PLCZ1: variants seen among roughly 807,000 people sequenced by gnomAD.
PLCZ1 encodes the protein phospholipase C zeta 1.
A neutral mutation model predicts 76.8 loss-of-function variants in PLCZ1; 64 were observed. The ratio of observed to expected loss-of-function variants is 0.83; its 90% CI spans 0.68 to 1.03. PLCZ1 has a LOEUF of 1.03. PLCZ1 is among the 50% of genes least tolerant of loss of function. PLCZ1 has a pLI of 0.00. For synonymous variants in PLCZ1, 248 were observed against 230.8 expected, an observed-to-expected ratio of 1.07 and a Z score of -0.68; for missense variants, 751 against 713.7, an observed-to-expected ratio of 1.05 and a Z score of -0.60.
rs774660155 is a variant in PLCZ1, at chr12:18,712,986, A to T, written c.570T>A (p.Ser190Arg). The T allele has an allele frequency of 1.2e-6, 2 of 1,613,934 alleles. No individual in the cohort carries two copies. The highest frequency in any genetic ancestry group is 1.1e-5 in the South Asian group (1 of 91,082). The change falls in exon 6 of 15, where the codon AGT (serine) becomes AGA (arginine). Residue 190 changes from serine (S) to arginine (R), a missense_variant and splice_region_variant. Ser to Arg is a moderately radical substitution (Grantham distance 110). Coordinates refer to ENST00000266505, the MANE Select transcript of PLCZ1 (RefSeq NM_033123.4). ...AACAACGGCATCCTTTCACAAGGGC[A>T]CTAGCAAAATTTCAGCAAAATAAAA... The part of the protein sequence containing the change: ...LGPSDLWGYV[S>R]ALVKGCRCLE...
At chr12:18,672,101 C>T in the PLCZ1 span, among the ~76,000 whole-genome samples, 3 of 152,182 alleles carry the variant, frequency 2.0e-5, no homozygotes, top group South Asian at 2.1e-4. Flanking sequence ...ACATTCAGAT[C>T]ATAGCAAAGA....
At chr12:18,711,075 A>T (rs1390503102) in intron 6 of PLCZ1, among the ~76,000 whole-genome samples, 1 of 152,116 alleles carries the variant, frequency 6.6e-6, no homozygotes, top group Non-Finnish European at 1.5e-5. Context: ...CTATAAAGAC[A>T]TATGCACATA....
chr12:18,660,660 A>G, the PLCZ1 span, among the ~76,000 whole-genome samples: 1 of 152,162 alleles, frequency 6.6e-6, no homozygotes, highest in East Asian at 1.9e-4. Context: ...TATATCAATT[A>G]AAACAGAACA....
chr12:18,684,104 A>T lies in PLCZ1; in HGVS notation c.1741+26T>A, dbSNP rs750642273. On this transcript the variant is annotated intron_variant, in intron 14 of 14. Coordinates refer to ENST00000266505, the MANE Select transcript of PLCZ1 (RefSeq NM_033123.4). Reference sequence around the variant, plus strand: ...ACAAGTTATATTTAAATGCTGGTACAATCATCTAACTTTTAGGGACATTAC... The same window carrying T: ...ACAAGTTATATTTAAATGCTGGTACTATCATCTAACTTTTAGGGACATTAC... 8 of 1,608,076 alleles carry T rather than the reference A, an allele frequency of 5.0e-6. No homozygotes were observed. In the East Asian group the frequency reaches 1.6e-4, roughly 32 times the overall value.
chr12:18,734,343 T>TTTGTTGTTG (rs747838079), intron 3 of PLCZ1, among the ~76,000 whole-genome samples: 2 of 151,846 alleles, frequency 1.3e-5, no homozygotes, highest in African/African-American at 4.8e-5. Flanking sequence ...AGTAGTTGTT[T>TTTGTTGTTG]TTGTTGTTGT....
the PLCZ1 span, among the ~76,000 whole-genome samples, chr12:18,673,833 T>G: frequency 6.6e-6 from 1 of 152,202 alleles, no homozygotes; most frequent in African/African-American, 2.4e-5. Context: ...AGTTGCTCAC[T>G]GGCTGTTCCA....
At chr12:18,736,760 TG>T in intron 2 of PLCZ1, 1 of 1,053,210 alleles carries the variant, frequency 9.5e-7, no homozygotes, top group Middle Eastern at 2.4e-4. Flanking sequence ...TTAAGGAAAG[TG>T]GAAGCATTAG....
intron 2 of PLCZ1, 106 bp downstream of exon 2, chr12:18,737,250 TAAATG>T (rs1384444932): frequency 8.4e-7 from 1 of 1,196,796 alleles, no homozygotes; most frequent in African/African-American, 1.5e-5. Context: ...CAGTTCAACT[TAAATG>T]AAGAGGACTT....
chr12:18,670,122 G>A, the PLCZ1 span, among the ~76,000 whole-genome samples: 1 of 152,064 alleles, frequency 6.6e-6, no homozygotes, highest in Non-Finnish European at 1.5e-5. Flanking sequence ...GTTTGGAGAG[G>A]ACATAAACAT....
the PLCZ1 span, among the ~76,000 whole-genome samples, chr12:18,667,505 A>G: frequency 0.018 from 2,669 of 152,296 alleles, 43 homozygotes; most frequent in Middle Eastern, 0.054. Flanking sequence ...TAACTGCTCT[A>G]TAAGCTAGAG....
the PLCZ1 span, among the ~76,000 whole-genome samples, chr12:18,650,704 GTATATATCTA>G: frequency 3.3e-3 from 191 of 57,734 alleles, 4 homozygotes; most frequent in African/African-American, 9.1e-3. Flanking sequence ...GTGTGTGTGT[GTATATATCTA>G]TATATATATA....
the PLCZ1 span, among the ~76,000 whole-genome samples, chr12:18,670,149 AT>A: frequency 1.3e-5 from 2 of 152,182 alleles, no homozygotes; most frequent in African/African-American, 4.8e-5. Context: ...CACAACAGAT[AT>A]CAGATCATTA....
At chr12:18,656,546 C>G in the PLCZ1 span, among the ~76,000 whole-genome samples, 1 of 152,146 alleles carries the variant, frequency 6.6e-6, no homozygotes, top group African/African-American at 2.4e-5. Context: ...GCCTGGGCGA[C>G]AGAGCGAGAC....
rs761628985 is a variant in PLCZ1, at chr12:18,684,199, C to T, written c.1672G>A (p.Gly558Ser). Reference protein sequence around the residue: ...ELALIRFVVEGQGLIAGNEFL... With the variant: ...ELALIRFVVESQGLIAGNEFL... ...TCATTTCCTGCTATTAAACCTTGAC[C>T]TTCAACAACAAAACGTATCAATGCC... The change falls in exon 14 of 15, where the codon GGT becomes AGT. Residue 558 changes from glycine (G) to serine (S), a missense_variant. Physicochemically the swap from Gly to Ser is moderately conservative, Grantham distance 56 (BLOSUM62 0). Transcript: ENST00000266505. 1.2e-6 allele frequency: 2 copies of T among 1,612,154 alleles called. No homozygotes were observed. The highest frequency in any genetic ancestry group is 3.3e-5 in the Admixed American group (2 of 59,836).
intron 3 of PLCZ1, among the ~76,000 whole-genome samples, chr12:18,731,533 CT>C (rs34568267): frequency 0.052 from 4,870 of 94,238 alleles, 171 homozygotes; most frequent in African/African-American, 0.16. Context: ...AATAAGCTGT[CT>C]TTTTTTTTTT....
chr12:18,648,025 T>C, the PLCZ1 span: 2 of 1,585,790 alleles, frequency 1.3e-6, no homozygotes, highest in South Asian at 1.2e-5. Context: ...ACAGTATAAT[T>C]TGACCATTGC....
Position 18,693,969 on chromosome 12 carries a change from T to C in PLCZ1, c.1461+941A>G, listed in dbSNP as rs1043365893. The C allele has an allele frequency of 6.0e-6, 9 of 1,512,016 alleles. No homozygotes were observed. In the Admixed American group the frequency reaches 1.5e-4, roughly 25 times the overall value. 93.7% of individuals were successfully genotyped at this position (1,512,016 alleles called of 1,614,324 possible). A position where few individuals can be genotyped will look rare whatever the true frequency, so the allele number is the denominator to read the frequency against. Reference sequence around the variant, plus strand: ...CTCTCTGGTGCTGACATCAAGGCAGTCTGTACAGAAGCTGGTCTGATGGCC... The same window carrying C: ...CTCTCTGGTGCTGACATCAAGGCAGCCTGTACAGAAGCTGGTCTGATGGCC... On this transcript the variant is annotated intron_variant, in intron 12 of 14. Coordinates refer to ENST00000266505, the MANE Select transcript of PLCZ1 (RefSeq NM_033123.4).
intron 5 of PLCZ1, 55 bp from the exon 6 acceptor site, chr12:18,713,041 C>G: frequency 6.3e-7 from 1 of 1,593,346 alleles, no homozygotes; most frequent in Non-Finnish European, 8.6e-7. Context: ...AAAATATATA[C>G]CAAAGTATTA....
At chr12:18,650,347 A>ATATGTGTG in the PLCZ1 span, among the ~76,000 whole-genome samples, 2 of 114,542 alleles carry the variant, frequency 1.7e-5, no homozygotes, top group African/African-American at 3.3e-5. Flanking sequence ...ATATATATAT[A>ATATGTGTG]TGTGTGTGTG....
Sources: allele counts gnomAD v4.1 joint callset (sites outside exome capture counted in the v4.1 genomes callset), GRCh38; gene constraint gnomAD v4.1.1; transcripts MANE v1.5; gene names NCBI Gene and HGNC (gene_info 2026-07-23, HGNC 2026-07-21).